ABCB1: variants seen among roughly 807,000 people sequenced by gnomAD.
ABCB1 encodes the protein ATP binding cassette subfamily B member 1.
ABCB1 carries 69 observed loss-of-function variants against 142.0 expected under a neutral mutation model. The ratio of observed to expected loss-of-function variants is 0.49; its 90% confidence interval spans 0.40 to 0.59. The LOEUF is 0.59. Among genes scored for constraint, ABCB1 ranks in the 20% least tolerant of loss-of-function variants. ABCB1 has a pLI of 0.00. For synonymous variants in ABCB1, 532 were observed against 539.2 expected, an observed-to-expected ratio of 0.99 and a Z score of 0.18; for missense variants, 1,326 against 1,554.7, an observed-to-expected ratio of 0.85 and a Z score of 2.47.
chr7:87,587,249 T>C (rs1262980395), intron 3 of ABCB1, among the ~76,000 whole-genome samples: 1 of 152,158 alleles, frequency 6.6e-6, no homozygotes, highest in East Asian at 1.9e-4. Flanking sequence ...GAAGAGAAGA[T>C]AGTTGATATG....
At chr7:87,571,707 T>C (rs1247118559) in intron 4 of ABCB1, among the ~76,000 whole-genome samples, 1 of 152,232 alleles carries the variant, frequency 6.6e-6, no homozygotes, top group Non-Finnish European at 1.5e-5. Flanking sequence ...AGTTTGGTCT[T>C]GAACATTTTT....
In ABCB1 at chr7:87,691,963, T is replaced by C. The variant is rs564798250; in HGVS notation, c.-331+21198A>G. On this transcript the variant is annotated intron_variant, in intron 1 of 28. Transcript: ENST00000265724. ...ATTAGATAACTTGGAATATAGTGGATTGTTGTTTGGTCCAGATATTTCTGG... is the reference window on the plus strand; with the variant it reads ...ATTAGATAACTTGGAATATAGTGGACTGTTGTTTGGTCCAGATATTTCTGG... Among the ~76,000 whole-genome samples, 3 of 152,312 alleles carry C rather than the reference T, an allele frequency of 2.0e-5. No homozygotes were observed. The South Asian group carries it at 6.2e-4, about 32-fold the overall frequency.
intron 1 of ABCB1, among the ~76,000 whole-genome samples, chr7:87,663,132 G>T (rs966481821): frequency 1.1e-4 from 16 of 151,932 alleles, no homozygotes; most frequent in Non-Finnish European, 1.9e-4. Flanking sequence ...AGTTCTAATG[G>T]CTTTTTGGTG....
intron 1 of ABCB1, among the ~76,000 whole-genome samples, chr7:87,671,610 T>G (rs984195920): frequency 6.6e-6 from 1 of 151,974 alleles, no homozygotes; most frequent in African/African-American, 2.4e-5. Flanking sequence ...GCTTTGTCCC[T>G]GGGAGGTACA....
At position 87,509,458 on chromosome 7, in the gene ABCB1, C is replaced by T. The variant is rs185002393; in HGVS notation, c.3306G>A (p.Lys1102=). ...CTCGGAGCCACTGAACATTCAGTCG[C>T]TTTATTTCTTTGCCATCAAGCAGCT... ...GKVLLDGKEI[K]RLNVQWLRAH... Residue 1102 remains lysine, a synonymous_variant, in exon 26 of 28, where the codon AAG becomes AAA. Transcript: ENST00000622132. 9.1e-5 allele frequency: 147 copies of T among 1,614,142 alleles called. 2 individuals carry two copies. Among genetic ancestry groups the T allele is most frequent in the Admixed American group, 1.2e-4 (7 of 60,018 alleles).
intron 1 of ABCB1, among the ~76,000 whole-genome samples, chr7:87,643,327 CT>C (rs972654957): frequency 6.6e-6 from 1 of 151,942 alleles, no homozygotes; most frequent in African/African-American, 2.4e-5. Flanking sequence ...ATGGTTGGGA[CT>C]TTTTTTGGTT....
At chr7:87,622,426 T>C (rs1820256834) in intron 1 of ABCB1, among the ~76,000 whole-genome samples, 1 of 152,170 alleles carries the variant, frequency 6.6e-6, no homozygotes, top group Non-Finnish European at 1.5e-5. Context: ...CAATAGTCCC[T>C]AGAGTGAGCA....
chr7:87,506,550 A>AC (rs573463473), intron 26 of ABCB1, among the ~76,000 whole-genome samples: 4,902 of 152,258 alleles, frequency 0.032, 237 homozygotes, highest in African/African-American at 0.11. Flanking sequence ...AATGGATGCT[A>AC]TCAAAATGGA....
intron 21 of ABCB1, among the ~76,000 whole-genome samples, chr7:87,523,009 G>T (rs1368677425): frequency 6.6e-6 from 1 of 152,084 alleles, no homozygotes; most frequent in African/African-American, 2.4e-5. Flanking sequence ...TAAAAATAGT[G>T]GTGAGATAAA....
intron 1 of ABCB1, chr7:87,700,384 C>G: frequency 6.6e-7 from 1 of 1,517,166 alleles, no homozygotes; most frequent in Non-Finnish European, 8.9e-7. Flanking sequence ...TTTTATTTTA[C>G]TTTTTAAAAT....
chr7:87,585,709 G>A (rs780508812), intron 3 of ABCB1, 29 bp from the exon 4 acceptor site: 29 of 1,607,968 alleles, frequency 1.8e-5, no homozygotes, highest in Non-Finnish European at 2.4e-5. Context: ...GAATAGCAGA[G>A]GAAAAATTAG....
At chr7:87,619,726 A>G (rs1271727926) in intron 1 of ABCB1, among the ~76,000 whole-genome samples, 6 of 151,066 alleles carry the variant, frequency 4.0e-5, no homozygotes, top group Non-Finnish European at 1.5e-5. Flanking sequence ...TTATTTTTAT[A>G]TATACACACA....
intron 1 of ABCB1, among the ~76,000 whole-genome samples, chr7:87,705,966 C>A (rs1414009909): frequency 6.6e-6 from 1 of 152,086 alleles, no homozygotes; most frequent in East Asian, 1.9e-4. Context: ...TTGTATTGTT[C>A]CTGAGTTCTT....
intron 20 of ABCB1, among the ~76,000 whole-genome samples, chr7:87,536,162 A>G (rs1448216144): frequency 2.6e-5 from 4 of 152,140 alleles, no homozygotes; most frequent in Admixed American, 2.6e-4. Flanking sequence ...TTACTGTTTT[A>G]TGTTGATTGA....
chr7:87,550,124 T>C (rs758836459), intron 12 of ABCB1, 47 bp downstream of exon 12: 6 of 1,614,020 alleles, frequency 3.7e-6, no homozygotes, highest in Middle Eastern at 1.6e-4. Flanking sequence ...AGATGTGCAA[T>C]GTGACTGCTG....
chr7:87,589,950 G>A (rs748010038), intron 3 of ABCB1, among the ~76,000 whole-genome samples: 4 of 152,076 alleles, frequency 2.6e-5, no homozygotes, highest in South Asian at 2.1e-4. Context: ...ATGTTGATCC[G>A]TGCCTAATGC....
chr7:87,710,523 TA>T, intron 1 of ABCB1: 1 of 1,198,620 alleles, frequency 8.3e-7, no homozygotes, highest in Non-Finnish European at 1.2e-6. Context: ...AGTGGCAAAA[TA>T]TTTTTTTAAT....
In ABCB1 at chr7:87,566,795, G is replaced by A. The variant is rs199808236; in HGVS notation, c.520C>T (p.Arg174Ter). The part of the protein sequence containing the change: ...DVHDVGELNT[R>*]LTDDVSKINE... ...AAACTAAATACTTACTCTGTAAGTC[G>A]GGTGTTAAGCTCCCCAACATCGTGC... is the stretch of plus-strand genomic sequence containing the variant. The change falls in exon 6 of 28, where the codon CGA becomes TGA. Residue 174 changes from arginine to a stop codon, truncating the protein, a stop_gained. Transcript: ENST00000622132. LOFTEE classifies it high-confidence loss of function. The A allele has an allele frequency of 1.2e-6, 2 of 1,614,000 alleles. No individual in the cohort carries two copies. Among genetic ancestry groups the A allele is most frequent in the South Asian group, 1.1e-5 (1 of 91,080 alleles).
At chr7:87,552,400 A>T (rs1817112994) in intron 9 of ABCB1, among the ~76,000 whole-genome samples, 1 of 152,214 alleles carries the variant, frequency 6.6e-6, no homozygotes, top group Non-Finnish European at 1.5e-5. Flanking sequence ...ATCATTTGGC[A>T]GAAGAGGTAG....
Sources: allele counts gnomAD v4.1 joint callset (sites outside exome capture counted in the v4.1 genomes callset), GRCh38; gene constraint gnomAD v4.1.1; transcripts MANE v1.5; gene names NCBI Gene and HGNC (gene_info 2026-07-23, HGNC 2026-07-21).